Variants in ZNF341 observed in about 807,000 individuals in gnomAD.
ZNF341 encodes the protein zinc finger protein 341.
Under a neutral mutation model 87.7 loss-of-function variants are expected in ZNF341, and 52 were observed. The observed-to-expected ratio is 0.59, with a 90% confidence interval of 0.47 to 0.75. The LOEUF is 0.75. Ranked by LOEUF, ZNF341 falls within the 30% of genes least tolerant of loss-of-function variation. ZNF341 has a pLI of 0.00. For missense variants in ZNF341, 977 were observed against 1,145.9 expected (o/e 0.85, Z 2.13); for synonymous variants, 459 against 472.7 (o/e 0.97, Z 0.38).
At chr20:33,752,652 CTTTT>C (rs956277736) in intron 4 of ZNF341, 293 of 174,988 alleles carry the variant, frequency 1.7e-3, no homozygotes, top group Middle Eastern at 6.7e-3. Flanking sequence ...ATTTTCTTTT[CTTTT>C]TTTTTTTTTT....
chr20:33,780,195 A>C (rs567520438), intron 10 of ZNF341, among the ~76,000 whole-genome samples: 13 of 151,916 alleles, frequency 8.6e-5, no homozygotes, highest in Admixed American at 5.2e-4. Flanking sequence ...GTTCCGGGGA[A>C]CAGGAACAGC....
intron 3 of ZNF341, among the ~76,000 whole-genome samples, chr20:33,747,614 CAAAAAAA>C (rs773781002): frequency 6.4e-5 from 1 of 15,624 alleles, no homozygotes; most frequent in Non-Finnish European, 9.8e-5. Context: ...GACTCCGTCT[CAAAAAAA>C]AAAAAAAAAA....
chr20:33,749,239 C>G (rs552057610), intron 4 of ZNF341, among the ~76,000 whole-genome samples, 167 bp downstream of exon 4: 1 of 152,218 alleles, frequency 6.6e-6, no homozygotes, highest in Non-Finnish European at 1.5e-5. Flanking sequence ...GGGGAAGCTG[C>G]TACGTCTAGG....
At chr20:33,788,790 C>T (rs1212806431) in intron 12 of ZNF341, 73 bp from the exon 13 acceptor site, 2 of 1,248,376 alleles carry the variant, frequency 1.6e-6, no homozygotes, top group Non-Finnish European at 1.2e-6. Flanking sequence ...CCTGAGGGGC[C>T]CAGCGGGGAC....
intron 8 of ZNF341, among the ~76,000 whole-genome samples, chr20:33,764,888 G>A (rs1251680686): frequency 2.6e-5 from 4 of 151,778 alleles, no homozygotes; most frequent in Admixed American, 6.6e-5. Flanking sequence ...GTGCAGTGGT[G>A]CAATCATAAC....
chr20:33,748,592 T>C (rs1172751371), intron 3 of ZNF341, among the ~76,000 whole-genome samples: 1 of 151,982 alleles, frequency 6.6e-6, no homozygotes, highest in Non-Finnish European at 1.5e-5. Context: ...GGTCTTGAAC[T>C]CCTGGGTTCA....
intron 1 of ZNF341, among the ~76,000 whole-genome samples, chr20:33,733,205 C>T (rs541607153): frequency 6.6e-6 from 1 of 150,908 alleles, no homozygotes; most frequent in East Asian, 1.9e-4. Flanking sequence ...CACCACCACA[C>T]CCGGCTAATT....
intron 4 of ZNF341, chr20:33,752,270 C>T (rs1469072653): frequency 5.0e-6 from 3 of 598,014 alleles, no homozygotes; most frequent in South Asian, 1.4e-5. Context: ...ATCCTCATAA[C>T]ATTTTCTGGA....
At chr20:33,751,211 A>C (rs1413885163) in intron 4 of ZNF341, among the ~76,000 whole-genome samples, 1 of 152,172 alleles carries the variant, frequency 6.6e-6, no homozygotes, top group Non-Finnish European at 1.5e-5. Flanking sequence ...CACTATCCAT[A>C]AACAGACATC....
rs746853766 is a variant in ZNF341, at chr20:33,758,702, C to T, written c.938-14C>T. ...CCCCAGCCTCATTGTCCCCTCCTTC[C>T]ACTTGTCTTTCAGCTGCAGGGAAGC... On this transcript the variant is annotated splice_polypyrimidine_tract_variant and intron_variant, in intron 6 of 14. Transcript: ENST00000375200. 2 of 1,610,564 alleles carry T rather than the reference C, an allele frequency of 1.2e-6. No individual in the cohort carries two copies. Among genetic ancestry groups the T allele is most frequent in the South Asian group, 1.1e-5 (1 of 90,558 alleles).
intron 11 of ZNF341, among the ~76,000 whole-genome samples, chr20:33,781,762 A>G (rs1049340454): frequency 6.7e-6 from 1 of 148,592 alleles, no homozygotes; most frequent in African/African-American, 2.5e-5. Flanking sequence ...CAGTGGTTTG[A>G]TCATGGCTCA....
At chr20:33,766,787 G>T (rs1386508721) in intron 8 of ZNF341, 64 bp from the exon 9 acceptor site, 1 of 1,507,722 alleles carries the variant, frequency 6.6e-7, no homozygotes, top group Non-Finnish European at 8.9e-7. Context: ...ACGGAGTAGG[G>T]GTTCTGTGCA....
At position 33,791,807 on chromosome 20, in the gene ZNF341, C is replaced by T; in HGVS notation, c.*290C>T. On this transcript the variant is annotated 3_prime_UTR_variant, in exon 15 of 15. Transcript: ENST00000375200. The stretch of plus-strand genomic sequence containing the variant: ...GAAGCCTGAGCAGCCCAGAGTCCCG[C>T]TGGTCTAGGCTGGTGGTCGGGGCCC... 1 of 371,724 alleles carries T rather than the reference C, an allele frequency of 2.7e-6. No individual in the cohort carries two copies. The highest frequency in any genetic ancestry group is 7.1e-4 in the Middle Eastern group (1 of 1,400). The allele number at this position is 371,724 out of a possible 1,614,324, so 23.0% of individuals were successfully genotyped here.
chr20:33,784,911 C>T (rs2019822422), intron 12 of ZNF341, among the ~76,000 whole-genome samples: 1 of 152,186 alleles, frequency 6.6e-6, no homozygotes, highest in East Asian at 1.9e-4. Flanking sequence ...GCACTGCACC[C>T]AGCCTGTGTG....
chr20:33,781,054 G>A (rs1266811000), intron 10 of ZNF341, among the ~76,000 whole-genome samples: 1 of 152,072 alleles, frequency 6.6e-6, no homozygotes, highest in Non-Finnish European at 1.5e-5. Flanking sequence ...TGTGGAGAAT[G>A]GACTACAGGA....
At chr20:33,737,402 A>G (rs893155848) in intron 1 of ZNF341, among the ~76,000 whole-genome samples, 3 of 151,920 alleles carry the variant, frequency 2.0e-5, no homozygotes, top group African/African-American at 7.3e-5. Context: ...CCTCACTGCA[A>G]CCTCCGCCTC....
In ZNF341 at chr20:33,764,543, G is replaced by GTATATATATATATATATATATA. The variant is rs1171402724; in HGVS notation, c.1223-2289_1223-2288insATATATATATATATATATATAT. On this transcript the variant is annotated intron_variant, in intron 8 of 14. Transcript: ENST00000375200. The stretch of plus-strand genomic sequence containing the variant: ...TATATATATGTGTGTGTGTGTATGT[G>GTATATATATATATATATATATA]TATATATATATATATATATTTTTTT... Among the ~76,000 whole-genome samples the GTATATATATATATATATATATA allele has an allele frequency of 4.1e-3, 283 of 69,242 alleles. 6 individuals are homozygous for GTATATATATATATATATATATA. Among genetic ancestry groups the GTATATATATATATATATATATA allele is most frequent in the Non-Finnish European group, 4.8e-3 (204 of 42,428 alleles). The allele number at this position is 69,242 out of a possible 152,430, so 45.4% of individuals were successfully genotyped here.
At position 33,770,212 on chromosome 20, in the gene ZNF341, G is replaced by A. The variant is rs148932241; in HGVS notation, c.1542G>A (p.Ser514=). Residue 514 remains serine, a synonymous_variant, in exon 10 of 15, where the codon TCG becomes TCA. Coordinates refer to ENST00000375200, the MANE Select transcript of ZNF341 (RefSeq NM_001282933.2). ...RCHLCGKDFP[S]LYDLGVHQYS... Reference sequence around the variant, plus strand: ...ACCTCTGCGGCAAGGACTTCCCCTCGCTGTACGACCTGGGCGTGCACCAGT... The same window carrying A: ...ACCTCTGCGGCAAGGACTTCCCCTCACTGTACGACCTGGGCGTGCACCAGT... The A allele has an allele frequency of 2.0e-3, 3,278 of 1,614,070 alleles. 8 individuals carry two copies. The highest frequency in any genetic ancestry group is 2.6e-3 in the South Asian group (233 of 91,076).
intron 7 of ZNF341, 138 bp downstream of exon 7, chr20:33,758,944 G>A (rs2019237407): frequency 6.9e-6 from 5 of 719,654 alleles, no homozygotes; most frequent in South Asian, 3.5e-5. Context: ...TGTAGTCCAG[G>A]TCGGGTGGTT....
Sources: gnomAD v4.1 joint callset for allele counts (sites outside exome capture counted in the v4.1 genomes callset) on GRCh38, gnomAD v4.1.1 for gene constraint, MANE v1.5 for transcripts, NCBI Gene and HGNC (gene_info 2026-07-23, HGNC 2026-07-21) for gene names.